RTEL1: variants seen among roughly 807,000 people sequenced by gnomAD.
RTEL1 encodes the protein regulator of telomere length.
A neutral mutation model predicts 162.2 loss-of-function variants in RTEL1; 86 were observed. The observed-to-expected ratio is 0.53, with a 90% CI of 0.45 to 0.63. The LOEUF is 0.63. Ranked by LOEUF, RTEL1 falls within the 30% of genes least tolerant of loss-of-function variation. The probability of loss-of-function intolerance (pLI) is 0.00; values close to 1 mark genes in which losing one functional copy is unlikely to be tolerated. For synonymous variants in RTEL1, 958 were observed against 717.9 expected (o/e 1.33, Z -5.35); for missense variants, 1,941 against 1,750.2 (o/e 1.11, Z -1.95).
rs755148143 is a variant in RTEL1 at position 63,668,838 on chromosome 20, TGAA to T, written c.699+1292_699+1294del. Among the ~76,000 whole-genome samples the T allele has an allele frequency of 1.6e-4, 25 of 152,218 alleles. No individual in the cohort carries two copies. Among genetic ancestry groups the T allele is most frequent in the Non-Finnish European group, 2.9e-4 (20 of 68,010 alleles). ...AAGATCTAAAACAGCAAGATGACCG[TGAA>T]GAAGAACAGAGCTGGAGGACTCACC... On this transcript the variant is annotated intron_variant, in intron 8 of 34. Coordinates refer to ENST00000360203, the MANE Select transcript of RTEL1 (RefSeq NM_001283009.2). This position sits in a 1 kb window ranked among gnomAD's most constrained non-coding sequence, Gnocchi z 4.3.
rs371760783 is a variant in RTEL1 at position 63,688,620 on chromosome 20, G to A, written c.1800+15G>A. ...GCTTCTCCGAGGTCGGCACTTGGCC[G>A]GGGCTCTGGGCCTGCTGCCCCCTCG... On this transcript the variant is annotated intron_variant, in intron 21 of 34. Coordinates refer to ENST00000360203, the MANE Select transcript of RTEL1 (RefSeq NM_001283009.2). The A allele has an allele frequency of 2.2e-4, 356 of 1,595,344 alleles. No homozygotes were observed. The highest frequency in any genetic ancestry group is 3.0e-4 in the Admixed American group (17 of 57,398).
Position 63,688,476 on chromosome 20 carries a change from C to T in RTEL1, c.1723-52C>T, listed in dbSNP as rs369391103. Reference sequence around the variant, plus strand: ...GGTCACAGCTCCTGCTTGCCCTCATCGGATCGGCGGCGTGACCAGGGCTGC... The same window carrying T: ...GGTCACAGCTCCTGCTTGCCCTCATTGGATCGGCGGCGTGACCAGGGCTGC... On this transcript the variant is annotated intron_variant, in intron 20 of 34. Transcript: ENST00000360203. 1.3e-4 allele frequency: 204 copies of T among 1,605,948 alleles called. 1 individual carries two copies. The African/African-American group carries it at 2.1e-3, about 16-fold the overall frequency.
chr20:63,665,407 C>G (rs992261863), intron 6 of RTEL1: 3 of 152,938 alleles, frequency 2.0e-5, no homozygotes, highest in African/African-American at 7.2e-5. Context: ...ATCCCCCAGA[C>G]TCTGACTTCT....
chr20:63,663,301 C>T (rs1416079584), intron 6 of RTEL1, among the ~76,000 whole-genome samples: 3 of 152,248 alleles, frequency 2.0e-5, no homozygotes, highest in African/African-American at 7.2e-5. Context: ...GGAGGGTGTC[C>T]TGGAAGCCGT....
Position 63,691,788 on chromosome 20 carries a change from C to CA in RTEL1, c.2604dup (p.Glu869ArgfsTer59). ...TCCCTCCTGTCTGAGAAGAGGCCGGCAGAAGAACCGCGAGGAGGGAGGAAG... is the reference window on the plus strand; with the variant it reads ...TCCCTCCTGTCTGAGAAGAGGCCGGCAAGAAGAACCGCGAGGAGGGAGGAAG... On this transcript the variant is annotated frameshift_variant, in exon 28 of 35. Coordinates refer to ENST00000360203, the MANE Select transcript of RTEL1 (RefSeq NM_001283009.2). LOFTEE classifies it high-confidence loss of function. 6.2e-7 allele frequency: 1 copy of CA among 1,612,466 alleles called. No homozygotes were observed. The highest frequency in any genetic ancestry group is 8.5e-7 in the Non-Finnish European group (1 of 1,179,844).
intron 28 of RTEL1, 187 bp from the exon 29 acceptor site, chr20:63,692,618 C>G (rs2090777045): frequency 6.5e-6 from 4 of 618,548 alleles, no homozygotes; most frequent in Middle Eastern, 8.7e-4. Flanking sequence ...TCAGACGGGC[C>G]CAGCCCCACA....
chr20:63,681,087 G>A (rs1361055903), intron 14 of RTEL1: 5 of 985,406 alleles, frequency 5.1e-6, no homozygotes, highest in East Asian at 1.1e-4. Flanking sequence ...GGACACACGC[G>A]GCTTCCTGAA....
intron 26 of RTEL1, 51 bp downstream of exon 26, chr20:63,690,492 GC>G: frequency 7.3e-7 from 1 of 1,376,406 alleles, no homozygotes; most frequent in East Asian, 2.4e-5. Context: ...GGAGCGGGCG[GC>G]GTGGGGCGGG....
Position 63,662,479 on chromosome 20 carries a change from G to A in RTEL1, c.396-67G>A, listed in dbSNP as rs763297385. 2.1e-5 allele frequency: 34 copies of A among 1,599,658 alleles called. No homozygotes were observed. Among genetic ancestry groups the A allele is most frequent in the Middle Eastern group, 1.6e-4 (1 of 6,072 alleles). On this transcript the variant is annotated intron_variant, in intron 4 of 34. Coordinates refer to ENST00000360203, the MANE Select transcript of RTEL1 (RefSeq NM_001283009.2). Reference sequence around the variant, plus strand: ...TCCTGCGTGTCTCCATACAGCTCACGCTGCAGGGCCACGCTGTGGGTGTTG... The same window carrying A: ...TCCTGCGTGTCTCCATACAGCTCACACTGCAGGGCCACGCTGTGGGTGTTG...
At chr20:63,677,219 G>A (rs1012230429) in intron 10 of RTEL1, among the ~76,000 whole-genome samples, 20 of 152,212 alleles carry the variant, frequency 1.3e-4, no homozygotes, top group Non-Finnish European at 2.2e-4. Flanking sequence ...GACCCGCCAT[G>A]CGGCAGCGGG....
chr20:63,692,320 G>T, intron 28 of RTEL1: 1 of 228,726 alleles, frequency 4.4e-6, no homozygotes, highest in Non-Finnish European at 8.7e-6. Flanking sequence ...GCTGCTGAGG[G>T]GCCTGGGCTG....
chr20:63,691,966 G>A lies in RTEL1; in HGVS notation c.2652+129G>A, dbSNP rs989048252. The A allele has an allele frequency of 8.9e-6, 6 of 675,752 alleles. No homozygotes were observed. In the African/African-American group the frequency reaches 1.1e-4, roughly 12 times the overall value. The allele number at this position is 675,752 out of a possible 1,614,324, so 41.9% of individuals were successfully genotyped here. A position where few individuals can be genotyped will look rare whatever the true frequency, so the allele number is the denominator to read the frequency against. The stretch of plus-strand genomic sequence containing the variant: ...CCACCCCCAGGAGCTGATGTCCAGG[G>A]CAGCTGTGATGCTGACGGCCAGGGG... On this transcript the variant is annotated intron_variant, in intron 28 of 34. Coordinates refer to ENST00000360203, the MANE Select transcript of RTEL1 (RefSeq NM_001283009.2).
intron 28 of RTEL1, chr20:63,692,332 CGAGGGCCTGGGTGGG>C: frequency 4.5e-6 from 1 of 222,776 alleles, no homozygotes; most frequent in Non-Finnish European, 9.0e-6. Context: ...CCTGGGCTGG[CGAGGGCCTGGGTGGG>C]GAGTGCCTGG....
In RTEL1 at chr20:63,693,051, C is replaced by T. The variant is rs117238689; in HGVS notation, c.2851+48C>T. On this transcript the variant is annotated intron_variant, in intron 29 of 34. Transcript: ENST00000360203. ...CCCACCCTGAGGGCAGTGCTGCCGC[C>T]GCGTGTGGGGTGGGGGCCATCTGGG... 0.033 allele frequency: 53,308 copies of T among 1,609,712 alleles called. 1,045 individuals are homozygous for T. The highest frequency in any genetic ancestry group is 0.038 in the Non-Finnish European group (44,793 of 1,177,462).
In RTEL1 at chr20:63,667,552, A is replaced by G. The variant is rs2090161370; in HGVS notation, c.698A>G (p.Lys233Arg). The change falls in exon 8 of 35, where the codon AAG becomes AGG. Residue 233 changes from lysine (K) to arginine (R), a missense_variant and splice_region_variant. By Grantham distance (26) the Lys-to-Arg change is conservative. Coordinates refer to ENST00000360203, the MANE Select transcript of RTEL1 (RefSeq NM_001283009.2). ...CCGTACAATTACTTGTTGGATGCCA[A>G]GGTGGGGGCTCAGTCCTGTAGCTGA... ...FMPYNYLLDA[K>R]SRRAHNIDLK... 5 of 1,613,116 alleles carry G rather than the reference A, an allele frequency of 3.1e-6. No homozygotes were observed. In the South Asian group the frequency reaches 3.3e-5, roughly 11 times the overall value.
chr20:63,661,616 AT>A lies in RTEL1; in HGVS notation c.301+126del. Reference sequence around the variant, plus strand: ...GTCTCTCAAGCAGAACTCAAGGAGAATTTTTTAGCTGCTGTATAATTTCTCG... The same window carrying A: ...GTCTCTCAAGCAGAACTCAAGGAGAATTTTTAGCTGCTGTATAATTTCTCG... On this transcript the variant is annotated intron_variant, in intron 3 of 34. Transcript: ENST00000360203. The surrounding 1 kb of genome is among the most constrained non-coding windows in gnomAD (Gnocchi z 5.1). The A allele has an allele frequency of 3.6e-6, 4 of 1,098,768 alleles. No homozygotes were observed. Among genetic ancestry groups the A allele is most frequent in the Non-Finnish European group, 3.9e-6 (3 of 776,530 alleles). 68.1% of individuals were successfully genotyped at this position (1,098,768 alleles called of 1,614,324 possible).
chr20:63,669,290 G>C (rs2146182902), intron 8 of RTEL1, among the ~76,000 whole-genome samples: 1 of 152,352 alleles, frequency 6.6e-6, no homozygotes, highest in African/African-American at 2.4e-5. Context: ...GTTTTACCCT[G>C]TATAAACCTA....
At chr20:63,682,816 C>A (rs1048338399) in intron 14 of RTEL1, among the ~76,000 whole-genome samples, 2 of 152,176 alleles carry the variant, frequency 1.3e-5, no homozygotes, top group Non-Finnish European at 2.9e-5. Context: ...GCCGTGTGCT[C>A]GGAAGTCAGG....
Position 63,666,019 on chromosome 20 carries a change from A to G in RTEL1, c.554A>G (p.Gln185Arg), listed in dbSNP as rs781394175. The change falls in exon 7 of 35, where the codon CAG becomes CGG. Residue 185 changes from glutamine (Q) to arginine (R), a missense_variant. Coordinates refer to ENST00000360203, the MANE Select transcript of RTEL1 (RefSeq NM_001283009.2). Reference sequence around the variant, plus strand: ...ACACCTGCAGAAAAAAGCCTGGAGCAGGAGCTGGCCAGCCCCATCCTGGAC... The same window carrying G: ...ACACCTGCAGAAAAAAGCCTGGAGCGGGAGCTGGCCAGCCCCATCCTGGAC... ...YNNVEEKSLEQELASPILDIE... is the reference protein window; with the variant it reads ...YNNVEEKSLERELASPILDIE... 6 of 1,614,128 alleles carry G rather than the reference A, an allele frequency of 3.7e-6. No homozygotes were observed. The East Asian group carries it at 1.3e-4, about 36-fold the overall frequency.
Sources: gnomAD v4.1 joint callset for allele counts (sites outside exome capture counted in the v4.1 genomes callset) on GRCh38, gnomAD v4.1.1 for gene constraint, Gnocchi (gnomAD v3.1) non-coding constraint, MANE v1.5 for transcripts, NCBI Gene and HGNC (gene_info 2026-07-23, HGNC 2026-07-21) for gene names.